SPTBN2: variants seen among roughly 807,000 people sequenced by gnomAD.
The protein encoded by SPTBN2 is spectrin beta, non-erythrocytic 2, also known as spectrin beta chain, non-erythrocytic 2.
In SPTBN2, 107 loss-of-function variants were observed where a neutral mutation model predicts 284.2. That is an observed-to-expected ratio of 0.38 (90% CI 0.32 to 0.44). The LOEUF (loss-of-function observed/expected upper bound fraction) is 0.44. SPTBN2 is among the 20% of genes least tolerant of loss of function. SPTBN2 has a pLI of 1.00. For missense variants in SPTBN2, 2,569 were observed against 3,287.1 expected, an observed-to-expected ratio of 0.78 and a Z score of 5.34; for synonymous variants, 1,289 against 1,354.8, an observed-to-expected ratio of 0.95 and a Z score of 1.07.
At chr11:66,690,966 C>T (rs555650865) in intron 27 of SPTBN2, among the ~76,000 whole-genome samples, 1 of 152,150 alleles carries the variant, frequency 6.6e-6, no homozygotes, top group Non-Finnish European at 1.5e-5. Flanking sequence ...TACAGGCATG[C>T]GCCACCATGC....
rs1942077219 is a variant in SPTBN2, at chr11:66,715,145, T to C, written c.483+77A>G. Reference sequence around the variant, plus strand: ...ATCCTCCATCTTTGTGTTTGTTGTGTCATGGGCCAGCAGGAACGGCTTGCG... The same window carrying C: ...ATCCTCCATCTTTGTGTTTGTTGTGCCATGGGCCAGCAGGAACGGCTTGCG... On this transcript the variant is annotated intron_variant, in intron 5 of 37. Transcript: ENST00000533211. This position sits in a 1 kb window ranked among gnomAD's most constrained non-coding sequence, Gnocchi z 5.3. 2 of 1,584,126 alleles carry C rather than the reference T, an allele frequency of 1.3e-6. No homozygotes were observed. The highest frequency in any genetic ancestry group is 2.7e-5 in the African/African-American group (2 of 74,230).
chr11:66,698,845 G>C, intron 19 of SPTBN2, 60 bp from the exon 20 acceptor site: 1 of 1,609,102 alleles, frequency 6.2e-7, no homozygotes, highest in Non-Finnish European at 8.5e-7. Context: ...CATAAAAGCA[G>C]GGCCACAGTG....
chr11:66,693,531 TCTCTCCTTCCTGGGTC>T lies in SPTBN2; in HGVS notation c.4594-101_4594-86del. The T allele has an allele frequency of 6.5e-7, 1 of 1,538,668 alleles. No homozygotes were observed. The highest frequency in any genetic ancestry group is 8.7e-7 in the Non-Finnish European group (1 of 1,148,036). On this transcript the variant is annotated intron_variant, in intron 23 of 37. Transcript: ENST00000533211. This position sits in a 1 kb window ranked among gnomAD's most constrained non-coding sequence, Gnocchi z 5.7. ...GGAGACCACCCTTCACCCCTGTGCC[TCTCTCCTTCCTGGGTC>T]CTCTGCTCCCTCTCCTAGCCTGGGG... is the stretch of plus-strand genomic sequence containing the variant.
chr11:66,716,310 C>T (rs1373606991), intron 3 of SPTBN2, among the ~76,000 whole-genome samples: 2 of 151,952 alleles, frequency 1.3e-5, no homozygotes, highest in African/African-American at 4.8e-5. Context: ...GGTGAAACCC[C>T]GTCTCTACTA....
At chr11:66,709,425 G>A (rs1385920321) in intron 10 of SPTBN2, among the ~76,000 whole-genome samples, 2 of 152,136 alleles carry the variant, frequency 1.3e-5, no homozygotes, top group African/African-American at 2.4e-5. Flanking sequence ...TGATCCACCC[G>A]CCTCAGTCTC....
chr11:66,704,753 T>C lies in SPTBN2; in HGVS notation c.2523A>G (p.Ala841=), dbSNP rs562262633. 10 of 1,603,630 alleles carry C rather than the reference T, an allele frequency of 6.2e-6. No homozygotes were observed. The African/African-American group carries it at 1.3e-4, about 21-fold the overall frequency. Residue 841 remains alanine (A), a synonymous_variant, in exon 15 of 38, where the codon GCA becomes GCG. Coordinates refer to ENST00000533211, the MANE Select transcript of SPTBN2 (RefSeq NM_006946.4). The part of the protein sequence containing the change: ...ERHYEELQAR[A]GERARALEAA... ...CCTCCAAGGCCCGCGCTCGCTCGCC[T>C]GCCCGGGCCTGCAGCTCCTCGTAGT...
Position 66,689,164 on chromosome 11 carries a change from G to C in SPTBN2, c.5966C>G (p.Ser1989Cys). Residue 1989 changes from serine (S) to cysteine (C), a missense_variant, in exon 30 of 38, where the codon TCT (serine) becomes TGT (cysteine). Physicochemically the swap from Ser to Cys is moderately radical, Grantham distance 112. Transcript: ENST00000533211. ...YAAEEISEKL[S>C]QLQARRQETA... ...CTCCTGGCGCCGTGCCTGCAGCTGA[G>C]ACAGCTTCTCTGAGATCTGGGGGCG... The C allele has an allele frequency of 6.2e-7, 1 of 1,608,212 alleles. No individual in the cohort carries two copies. The highest frequency in any genetic ancestry group is 8.5e-7 in the Non-Finnish European group (1 of 1,176,894).
chr11:66,688,016 T>G lies in SPTBN2; in HGVS notation c.6438A>C (p.Gly2146=), dbSNP rs1478458275. The part of the protein sequence containing the change: ...APSVNGVCTD[G]EPSQPLLGQQ... Reference sequence around the variant, plus strand: ...ACAGTGGGGTCACCTGTGAGGGCTCTCCATCTGTGCAGACTCCATTAACAC... The same window carrying G: ...ACAGTGGGGTCACCTGTGAGGGCTCGCCATCTGTGCAGACTCCATTAACAC... The change falls in exon 33 of 38, where the codon GGA becomes GGC. Residue 2146 remains glycine (G), a synonymous_variant. Transcript: ENST00000533211. 1 of 1,614,200 alleles carries G rather than the reference T, an allele frequency of 6.2e-7. No individual in the cohort carries two copies. Among genetic ancestry groups the G allele is most frequent in the East Asian group, 2.2e-5 (1 of 44,874 alleles).
chr11:66,731,419 A>G (rs1441022979), upstream of SPTBN2, among the ~76,000 whole-genome samples: 1 of 152,210 alleles, frequency 6.6e-6, no homozygotes, highest in Non-Finnish European at 1.5e-5. Context: ...GTGAATCCAC[A>G]TTTGCTGCTT....
upstream of SPTBN2, chr11:66,744,674 G>C (rs983831938): frequency 4.9e-4 from 278 of 572,654 alleles, no homozygotes; most frequent in Non-Finnish European, 5.8e-4. Flanking sequence ...GCCCTGCAGC[G>C]TCGAGTGCGC....
At chr11:66,709,234 G>A (rs756663470) in intron 10 of SPTBN2, among the ~76,000 whole-genome samples, 11 of 152,188 alleles carry the variant, frequency 7.2e-5, no homozygotes, top group Non-Finnish European at 1.2e-4. Context: ...CTGGAGTGCA[G>A]TGGTGCGATC....
At chr11:66,686,461 CAG>C in intron 36 of SPTBN2, 21 bp from the exon 37 acceptor site, 4 of 1,613,776 alleles carry the variant, frequency 2.5e-6, no homozygotes, top group Non-Finnish European at 2.5e-6. Context: ...AGAGAGGCCA[CAG>C]GGCAGAGCTG....
chr11:66,726,048 A>C (rs1050609409), intron 1 of SPTBN2, among the ~76,000 whole-genome samples: 2 of 152,088 alleles, frequency 1.3e-5, no homozygotes, highest in African/African-American at 2.4e-5. Context: ...TGCCCGCTCC[A>C]CATTTAACTC....
rs77944189 is a variant in SPTBN2, at chr11:66,700,465, C to G, written c.3573+61G>C. The G allele has an allele frequency of 2.6e-3, 4,131 of 1,596,532 alleles. 101 individuals are homozygous for G. In the African/African-American group the frequency reaches 0.049, roughly 19 times the overall value. ...CCTTCCTGCCCATCCTGCTCCTTCA[C>G]ATTTCCCCGGGTCCCTACTTTGCTC... On this transcript the variant is annotated intron_variant, in intron 17 of 37. Coordinates refer to ENST00000533211, the MANE Select transcript of SPTBN2 (RefSeq NM_006946.4). The surrounding 1 kb of genome is among the most constrained non-coding windows in gnomAD (Gnocchi z 6.6).
Position 66,713,663 on chromosome 11 carries a change from T to C in SPTBN2, c.740A>G (p.Glu247Gly). ...LQNAFNLAEKELGLTKLLDPE... is the reference protein window; with the variant it reads ...LQNAFNLAEKGLGLTKLLDPE... ...ATCCAGCAGCTTGGTAAGTCCCAGT[T>C]CCTTTTCAGCCAGATTGAATGCATT... is the stretch of plus-strand genomic sequence containing the variant. Residue 247 changes from glutamate to glycine, a missense_variant, in exon 8 of 38, where the codon GAA becomes GGA. By Grantham distance (98) the Glu-to-Gly change is moderately conservative. This residue lies in a region of SPTBN2 where 304 missense variants were observed against 522.1 expected (regional missense o/e 0.58). Coordinates refer to ENST00000533211, the MANE Select transcript of SPTBN2 (RefSeq NM_006946.4). 1 of 1,614,066 alleles carries C rather than the reference T, an allele frequency of 6.2e-7. No homozygotes were observed. Among genetic ancestry groups the C allele is most frequent in the Non-Finnish European group, 8.5e-7 (1 of 1,180,028 alleles).
rs1340609101 is a variant in SPTBN2, at chr11:66,708,497, T to C, written c.1192-198A>G. ...CATGTAGAAGCTTCTGGAAAAGGAC[T>C]GGAGGGAGCACGAACAGTGGAAACC... On this transcript the variant is annotated intron_variant, in intron 11 of 37. Coordinates refer to ENST00000533211, the MANE Select transcript of SPTBN2 (RefSeq NM_006946.4). The surrounding 1 kb of genome is among the most constrained non-coding windows in gnomAD (Gnocchi z 4.4). 6.6e-6 allele frequency among the ~76,000 whole-genome samples: 1 copy of C among 152,216 alleles called. No individual in the cohort carries two copies. The highest frequency in any genetic ancestry group is 1.5e-5 in the Non-Finnish European group (1 of 68,034).
upstream of SPTBN2, among the ~76,000 whole-genome samples, chr11:66,729,906 A>G (rs892943312): frequency 1.6e-4 from 25 of 152,114 alleles, no homozygotes; most frequent in African/African-American, 3.6e-4. Context: ...GGTTCAAGCA[A>G]TTTTCCTGCC....
chr11:66,693,525 T>C lies in SPTBN2; in HGVS notation c.4594-79A>G. ...GCTCCCGGAGACCACCCTTCACCCC[T>C]GTGCCTCTCTCCTTCCTGGGTCCTC... is the stretch of plus-strand genomic sequence containing the variant. On this transcript the variant is annotated intron_variant, in intron 23 of 37. Coordinates refer to ENST00000533211, the MANE Select transcript of SPTBN2 (RefSeq NM_006946.4). The surrounding 1 kb of genome is among the most constrained non-coding windows in gnomAD (Gnocchi z 5.7). 6.5e-7 allele frequency: 1 copy of C among 1,541,420 alleles called. No homozygotes were observed. Among genetic ancestry groups the C allele is most frequent in the Non-Finnish European group, 8.7e-7 (1 of 1,149,984 alleles).
In SPTBN2 at chr11:66,701,235, G is replaced by A. The variant is rs1941230267; in HGVS notation, c.2864C>T (p.Thr955Ile). 20 of 1,612,928 alleles carry A rather than the reference G, an allele frequency of 1.2e-5. No homozygotes were observed. Among genetic ancestry groups the A allele is most frequent in the Non-Finnish European group, 1.7e-5 (20 of 1,180,054 alleles). Residue 955 changes from threonine to isoleucine, a missense_variant, in exon 17 of 38, where the codon ACC (threonine) becomes ATC (isoleucine). This residue lies in a region of SPTBN2 where 1,012 missense variants were observed against 1,248.9 expected (regional missense o/e 0.81). Coordinates refer to ENST00000533211, the MANE Select transcript of SPTBN2 (RefSeq NM_006946.4). ...GTAGTTCTGGATGCTCAGGGCTGAG[G>A]TGAGAGCTGCCTTCTTGCCGTCTGC... is the stretch of plus-strand genomic sequence containing the variant. The part of the protein sequence containing the change: ...RLADGKKAAL[T>I]SALSIQNYHL...
Sources: gnomAD v4.1 joint callset for allele counts (sites outside exome capture counted in the v4.1 genomes callset) on GRCh38, gnomAD v4.1.1 for gene constraint, gnomAD v4.1.1 regional missense constraint, Gnocchi (gnomAD v3.1) non-coding constraint, MANE v1.5 for transcripts, NCBI Gene and HGNC (gene_info 2026-07-23, HGNC 2026-07-21) for gene names.